The following PUDP variants were observed in gnomAD, a reference collection of about 807,000 sequenced individuals.
PUDP encodes the protein pseudouridine 5'-phosphatase.
A neutral mutation model predicts 9.4 loss-of-function variants in PUDP; 8 were observed. The observed-to-expected ratio is 0.85, with a 90% CI of 0.50 to 1.53. PUDP has a LOEUF of 1.53. Among genes scored for constraint, PUDP ranks in the 40% most tolerant of loss-of-function variants. The probability of loss-of-function intolerance (pLI) is 0.00; values close to 1 mark genes in which losing one functional copy is unlikely to be tolerated. For missense variants in PUDP, 188 were observed against 189.7 expected (o/e 0.99, Z 0.05); for synonymous variants, 99 against 80.7 (o/e 1.23, Z -1.22).
chrX:6,714,447 T>C (rs1458832209), intron 1 of PUDP, among the ~76,000 whole-genome samples: 1 of 111,480 alleles, frequency 9.0e-6, no homozygotes, highest in African/African-American at 3.3e-5. Context: ...TGTGTGTAAA[T>C]GAAAGGATAG....
rs1165980691 is a variant in PUDP, at chrX:6,826,780, T to G, written c.*248-120314A>C. On this transcript the variant is annotated intron_variant and NMD_transcript_variant, in intron 3 of 3. Coordinates refer to the PUDP transcript ENST00000655425. ...CATCACTCATTCTTGATTTTCCTTTTGTTAGACAAGATCCTCTCTAAGGTA... is the reference window on the plus strand; with the variant it reads ...CATCACTCATTCTTGATTTTCCTTTGGTTAGACAAGATCCTCTCTAAGGTA... 1.3e-4 allele frequency among the ~76,000 whole-genome samples: 15 copies of G among 111,957 alleles called. No individual in the cohort carries two copies. In the Admixed American group the frequency reaches 1.4e-3, roughly 11 times the overall value.
chrX:6,916,352 C>T (rs911004691), intron 3 of PUDP, among the ~76,000 whole-genome samples: 6 of 108,990 alleles, frequency 5.5e-5, no homozygotes, highest in Non-Finnish European at 1.1e-4. Context: ...CACACTGTGT[C>T]GTGCCTCCCC....
At chrX:6,897,689 T>A (rs960615994) in intron 3 of PUDP, among the ~76,000 whole-genome samples, 1 of 111,497 alleles carries the variant, frequency 9.0e-6, no homozygotes, top group Non-Finnish European at 1.9e-5. Context: ...AGGCTGGAAG[T>A]CCAAGATCAA....
At chrX:6,888,847 C>T (rs1363737748) in intron 3 of PUDP, among the ~76,000 whole-genome samples, 1 of 110,912 alleles carries the variant, frequency 9.0e-6, no homozygotes, top group Non-Finnish European at 1.9e-5. Context: ...CTTCCAGAAA[C>T]AGTGCTTCCA....
intron 1 of PUDP, among the ~76,000 whole-genome samples, chrX:6,706,818 C>T (rs1005789976): frequency 9.0e-6 from 1 of 111,716 alleles, no homozygotes; most frequent in Non-Finnish European, 1.9e-5. Flanking sequence ...AATAAACACA[C>T]CTTACCAAAT....
chrX:6,736,560 A>G (rs1305729303), intron 3 of PUDP, among the ~76,000 whole-genome samples: 1 of 112,329 alleles, frequency 8.9e-6, no homozygotes, highest in Non-Finnish European at 1.9e-5. Flanking sequence ...ACATATGTTC[A>G]TTGCAGCGCA....
At chrX:7,147,401 G>A (rs1338442507) in intron 1 of PUDP, among the ~76,000 whole-genome samples, 3 of 111,408 alleles carry the variant, frequency 2.7e-5, no homozygotes, top group African/African-American at 9.8e-5. Flanking sequence ...TGCACTGCGG[G>A]AAGTTTAACA....
chrX:6,807,374 ACT>A (rs2146698795), intron 3 of PUDP, among the ~76,000 whole-genome samples: 1 of 111,464 alleles, frequency 9.0e-6, no homozygotes, highest in South Asian at 3.8e-4. Flanking sequence ...CCAACATTTT[ACT>A]CTCTTTCCCT....
intron 2 of PUDP, among the ~76,000 whole-genome samples, chrX:7,102,474 AATATCATT>A (rs1931768170): frequency 9.0e-6 from 1 of 110,740 alleles, no homozygotes; most frequent in Non-Finnish European, 1.9e-5. Flanking sequence ...GTTCACAGCT[AATATCATT>A]CTCAATGAAG....
intron 3 of PUDP, among the ~76,000 whole-genome samples, chrX:7,065,082 G>A (rs769862522): frequency 1.8e-4 from 20 of 111,549 alleles, no homozygotes; most frequent in Admixed American, 3.8e-4. Context: ...TATAAGAGAC[G>A]TGATCTCAGC....
At chrX:7,139,567 T>C (rs1418227908) in intron 1 of PUDP, among the ~76,000 whole-genome samples, 1 of 103,610 alleles carries the variant, frequency 9.7e-6, no homozygotes, top group African/African-American at 3.6e-5. Flanking sequence ...TGGGAGAGGG[T>C]TGGTGCTTAT....
In PUDP at chrX:6,742,480, A is replaced by G. The variant is rs1378651356; in HGVS notation, c.*248-36014T>C. 2.7e-5 allele frequency among the ~76,000 whole-genome samples: 3 copies of G among 112,666 alleles called. No homozygotes were observed. The Admixed American group carries it at 2.8e-4, about 11-fold the overall frequency. On this transcript the variant is annotated intron_variant and NMD_transcript_variant, in intron 3 of 3. Transcript: ENST00000655425. ...TTGCTATCTGGCCCTTTGTAAAAAA[A>G]TCTTTGGGCTGAGTGTGGTGGCTCA...
chrX:6,831,686 T>C (rs2054366548), intron 3 of PUDP, among the ~76,000 whole-genome samples: 1 of 112,528 alleles, frequency 8.9e-6, no homozygotes, highest in South Asian at 3.7e-4. Flanking sequence ...TTAAGAAGAA[T>C]GAAAATAATC....
chrX:7,092,793 C>T (rs1336867447), intron 2 of PUDP, among the ~76,000 whole-genome samples: 1 of 111,633 alleles, frequency 9.0e-6, no homozygotes, highest in African/African-American at 3.3e-5. Context: ...TGAGAGACAC[C>T]TGTCTTCCCT....
At chrX:6,740,773 T>C (rs1314770259) in intron 3 of PUDP, among the ~76,000 whole-genome samples, 1 of 112,098 alleles carries the variant, frequency 8.9e-6, no homozygotes, top group Non-Finnish European at 1.9e-5. Context: ...CCTCTCGTGC[T>C]CCTCATCCCA....
At chrX:7,030,985 G>C (rs955819509) in intron 1 of PUDP, among the ~76,000 whole-genome samples, 3 of 111,615 alleles carry the variant, frequency 2.7e-5, no homozygotes, top group Non-Finnish European at 5.6e-5. Flanking sequence ...TGCTAAACGA[G>C]GGGTTGATTA....
chrX:7,034,887 G>A (rs1360802376), intron 1 of PUDP, among the ~76,000 whole-genome samples: 1 of 103,031 alleles, frequency 9.7e-6, no homozygotes, highest in Non-Finnish European at 2.0e-5. Flanking sequence ...ATAAACATCA[G>A]CAGGTCTAGT....
intron 3 of PUDP, among the ~76,000 whole-genome samples, chrX:6,898,149 G>A (rs889817843): frequency 8.9e-6 from 1 of 111,996 alleles, no homozygotes; most frequent in African/African-American, 3.2e-5. Context: ...GCTGAGGAAG[G>A]GAGGCTAAGC....
intron 3 of PUDP, among the ~76,000 whole-genome samples, chrX:6,910,858 C>A (rs999965808): frequency 2.7e-5 from 3 of 112,038 alleles, no homozygotes; most frequent in African/African-American, 9.7e-5. Flanking sequence ...AATACAATGA[C>A]TGGTGAGGCC....
Sources: gnomAD v4.1 joint callset for allele counts (sites outside exome capture counted in the v4.1 genomes callset) on GRCh38, gnomAD v4.1.1 for gene constraint, MANE v1.5 for transcripts, NCBI Gene and HGNC (gene_info 2026-07-23, HGNC 2026-07-21) for gene names.